CIMAP1A: variants seen among roughly 807,000 people sequenced by gnomAD.
The protein encoded by CIMAP1A is ciliary microtubule associated protein 1A, also known as cancer/testis antigen 135.
At chr11:199,946 G>A in the CIMAP1A span, 2 of 1,614,030 alleles carry the variant, frequency 1.2e-6, no homozygotes, top group Admixed American at 1.7e-5. Context: ...TCTCCCAGGT[G>A]ACCCTGACCA....
chr11:197,832 A>C, the CIMAP1A span: 1 of 1,552,088 alleles, frequency 6.4e-7, no homozygotes, highest in Non-Finnish European at 8.8e-7. Flanking sequence ...GGTGCCCCTA[A>C]CCTCATGTCA....
chr11:199,447 C>A, the CIMAP1A span: 4 of 1,565,740 alleles, frequency 2.6e-6, no homozygotes, highest in African/African-American at 5.4e-5. Flanking sequence ...CATGGCTGCC[C>A]GTGTGGAGCC....
the CIMAP1A span, chr11:197,463 T>G: frequency 6.3e-7 from 1 of 1,592,390 alleles, no homozygotes; most frequent in Non-Finnish European, 8.6e-7. Context: ...GGCGGGCAGG[T>G]GGGGGTCCCG....
the CIMAP1A span, chr11:200,138 G>A: frequency 9.3e-7 from 1 of 1,074,376 alleles, no homozygotes; most frequent in Non-Finnish European, 1.4e-6. Context: ...GCCTGGCCCT[G>A]CAGGGCAGAG....
chr11:198,019 G>C, the CIMAP1A span: 1 of 1,538,164 alleles, frequency 6.5e-7, no homozygotes, highest in Admixed American at 2.0e-5. Context: ...AATAGCCTTT[G>C]TCTCACCAGC....
the CIMAP1A span, chr11:197,679 A>G: frequency 6.2e-7 from 1 of 1,613,704 alleles, no homozygotes; most frequent in Non-Finnish European, 8.5e-7. Context: ...ACCCCAAGAT[A>G]CTGAGGACTG....
chr11:198,160 A>C, the CIMAP1A span: 2 of 1,600,700 alleles, frequency 1.2e-6, no homozygotes, highest in East Asian at 4.6e-5. Context: ...CTGCATACCC[A>C]CCTGCTTGTC....
At chr11:197,694 G>A in the CIMAP1A span, 23 of 1,613,776 alleles carry the variant, frequency 1.4e-5, no homozygotes, top group Non-Finnish European at 1.9e-5. Context: ...GGACTGGCAA[G>A]GACCTTGGCC....
At chr11:199,275 A>G in the CIMAP1A span, 10 of 1,515,002 alleles carry the variant, frequency 6.6e-6, no homozygotes, top group South Asian at 1.1e-4. Flanking sequence ...CTTGTAGCTG[A>G]CCCTGTTGAC....
At chr11:197,463 TGGGGGTCCCGG>T in the CIMAP1A span, 5 of 1,592,390 alleles carry the variant, frequency 3.1e-6, no homozygotes, top group Non-Finnish European at 4.3e-6. Flanking sequence ...GGCGGGCAGG[TGGGGGTCCCGG>T]GAAGGGCCTG....
At chr11:200,154 T>G in the CIMAP1A span, 1 of 871,364 alleles carries the variant, frequency 1.1e-6, no homozygotes, top group Non-Finnish European at 1.8e-6. Flanking sequence ...CAGAGCACGC[T>G]TGTTTGGGCA....
chr11:197,598 G>A, the CIMAP1A span: 22 of 1,613,286 alleles, frequency 1.4e-5, no homozygotes, highest in Non-Finnish European at 1.7e-5. Context: ...TGCGTGCACC[G>A]GCCTACAGCT....
the CIMAP1A span, chr11:198,162 C>A: frequency 6.2e-7 from 1 of 1,602,054 alleles, no homozygotes; most frequent in Non-Finnish European, 8.5e-7. Flanking sequence ...GCATACCCAC[C>A]TGCTTGTCCC....
chr11:199,604 A>C, the CIMAP1A span: 1 of 1,245,888 alleles, frequency 8.0e-7, no homozygotes, highest in South Asian at 1.4e-5. Context: ...GCTGGGACAC[A>C]GACGAGGGGA....
chr11:197,106 C>G, the CIMAP1A span: 1 of 515,370 alleles, frequency 1.9e-6, no homozygotes, highest in African/African-American at 1.9e-5. Context: ...GTGAGGAGCT[C>G]ACAGACCCAT....
the CIMAP1A span, chr11:200,075 A>T: frequency 2.6e-5 from 41 of 1,601,504 alleles, no homozygotes; most frequent in Non-Finnish European, 3.4e-5. Context: ...CATCTACACA[A>T]GATCCGCCGG....
chr11:198,212 A>G, the CIMAP1A span: 2 of 1,613,868 alleles, frequency 1.2e-6, no homozygotes. Flanking sequence ...ACTACTTTCC[A>G]GAGAAATCCA....
At chr11:197,395 C>T in the CIMAP1A span, 238 of 1,601,574 alleles carry the variant, frequency 1.5e-4, no homozygotes, top group Non-Finnish European at 1.9e-4. Context: ...ACCCAAGTAC[C>T]TGATTCCACC....
the CIMAP1A span, chr11:198,804 C>T: frequency 1.0e-4 from 147 of 1,410,758 alleles, no homozygotes; most frequent in African/African-American, 1.4e-3. Flanking sequence ...CAGCATGGAC[C>T]GTGCTGAGGA....
Sources: allele counts gnomAD v4.1 joint callset, GRCh38; gene constraint gnomAD v4.1.1; transcripts MANE v1.5; gene names NCBI Gene and HGNC (gene_info 2026-07-23, HGNC 2026-07-21).